Variants in TBC1D15 observed in about 807,000 individuals in gnomAD.
TBC1D15 encodes the protein TBC1 domain family member 15, also known as GAP for RAB7.
TBC1D15 carries 39 observed loss-of-function variants against 95.4 expected under a neutral mutation model. The observed-to-expected ratio is 0.41, with a 90% CI of 0.32 to 0.53. The LOEUF is 0.53. Among genes scored for constraint, TBC1D15 ranks in the 20% least tolerant of loss-of-function variants. The pLI is 0.29. For missense variants in TBC1D15, 733 were observed against 794.3 expected (o/e 0.92, Z 0.93); for synonymous variants, 258 against 261.3 (o/e 0.99, Z 0.12).
At chr12:71,895,572 T>A (rs977624708) in intron 7 of TBC1D15, among the ~76,000 whole-genome samples, 1 of 152,078 alleles carries the variant, frequency 6.6e-6, no homozygotes, top group African/African-American at 2.4e-5. Context: ...ATGGAATAAT[T>A]ATATATTCTC....
chr12:71,853,473 T>C (rs913039411), intron 1 of TBC1D15, among the ~76,000 whole-genome samples: 2 of 152,242 alleles, frequency 1.3e-5, no homozygotes, highest in East Asian at 1.9e-4. Context: ...GTTGTGACTT[T>C]AGTGTCTTGA....
intron 1 of TBC1D15, 138 bp downstream of exon 1, chr12:71,839,949 G>A (rs1029551608): frequency 7.3e-6 from 8 of 1,099,328 alleles, no homozygotes; most frequent in African/African-American, 1.6e-5. Context: ...AGAAGACTGG[G>A]TGGTACCAGC....
chr12:71,870,707 T>A (rs1427818080), intron 1 of TBC1D15, among the ~76,000 whole-genome samples: 1 of 152,242 alleles, frequency 6.6e-6, no homozygotes, highest in African/African-American at 2.4e-5. Flanking sequence ...TTCACCACTT[T>A]CAGTTGTCTT....
chr12:71,873,251 T>C (rs915945654), intron 3 of TBC1D15, among the ~76,000 whole-genome samples: 1 of 152,176 alleles, frequency 6.6e-6, no homozygotes, highest in Admixed American at 6.5e-5. Context: ...ATCACTAATC[T>C]ACTTTCTGTC....
chr12:71,896,280 T>C (rs59645319), intron 8 of TBC1D15: 5,242 of 470,568 alleles, frequency 0.011, 236 homozygotes, highest in African/African-American at 0.091. Context: ...AGTGAGGTGC[T>C]TATGATGTTC....
intron 11 of TBC1D15, among the ~76,000 whole-genome samples, chr12:71,908,347 A>G (rs1015152502): frequency 6.6e-6 from 1 of 152,228 alleles, no homozygotes; most frequent in Non-Finnish European, 1.5e-5. Flanking sequence ...TATAAATACT[A>G]GAAATGTTTG....
chr12:71,876,584 G>GT (rs1565990997), intron 3 of TBC1D15, among the ~76,000 whole-genome samples: 1 of 152,022 alleles, frequency 6.6e-6, no homozygotes. Context: ...TAATCCCTCT[G>GT]TTTTTTGTAT....
At chr12:71,922,943 G>C (rs1869997274) in intron 16 of TBC1D15, 40 bp from the exon 17 acceptor site, 1 of 1,584,772 alleles carries the variant, frequency 6.3e-7, no homozygotes, top group East Asian at 2.2e-5. Context: ...TTTTTCCTCT[G>C]TAGTGAAATA....
intron 3 of TBC1D15, among the ~76,000 whole-genome samples, chr12:71,874,797 A>G (rs901302601): frequency 2.0e-5 from 3 of 151,242 alleles, no homozygotes; most frequent in Non-Finnish European, 4.4e-5. Context: ...TAAGTTTTGT[A>G]TTTTTAGTAG....
chr12:71,880,367 T>C (rs1894888618), intron 3 of TBC1D15, 102 bp from the exon 4 acceptor site: 1 of 910,964 alleles, frequency 1.1e-6, no homozygotes, highest in African/African-American at 1.7e-5. Context: ...CCACCAGTGA[T>C]GTCGTCTGCA....
chr12:71,865,592 G>T (rs926096356), intron 1 of TBC1D15, among the ~76,000 whole-genome samples: 1 of 152,112 alleles, frequency 6.6e-6, no homozygotes, highest in Non-Finnish European at 1.5e-5. Flanking sequence ...CCCAGGAGAG[G>T]GGGTAGGGAA....
chr12:71,849,291 T>G, intron 1 of TBC1D15: 2 of 906,076 alleles, frequency 2.2e-6, no homozygotes, highest in Non-Finnish European at 3.5e-6. Flanking sequence ...GTTCCACGCT[T>G]CTATCTGCCA....
intron 1 of TBC1D15, among the ~76,000 whole-genome samples, chr12:71,862,975 T>A (rs1391622341): frequency 6.6e-6 from 1 of 152,224 alleles, no homozygotes; most frequent in Non-Finnish European, 1.5e-5. Flanking sequence ...CTCCCTGATT[T>A]GTGAAAGATA....
intron 3 of TBC1D15, among the ~76,000 whole-genome samples, chr12:71,874,675 T>C (rs1893408753): frequency 6.8e-6 from 1 of 147,216 alleles, no homozygotes. Context: ...CAGGCTGGAG[T>C]GCAGTGGTGC....
At chr12:71,921,344 T>C (rs752009920) in intron 15 of TBC1D15, 24 bp from the exon 16 acceptor site, 1 of 1,404,826 alleles carries the variant, frequency 7.1e-7, no homozygotes, top group South Asian at 1.4e-5. Context: ...TTCGATATCA[T>C]TTTATTTTGT....
chr12:71,875,321 G>A (rs1444294736), intron 3 of TBC1D15, among the ~76,000 whole-genome samples: 1 of 152,150 alleles, frequency 6.6e-6, no homozygotes, highest in African/African-American at 2.4e-5. Flanking sequence ...TTCCCGTATG[G>A]TGGACTGTTT....
chr12:71,888,009 C>T (rs1347377725), intron 5 of TBC1D15, among the ~76,000 whole-genome samples: 1 of 152,180 alleles, frequency 6.6e-6, no homozygotes, highest in Non-Finnish European at 1.5e-5. Context: ...AATTAGAAGA[C>T]AGGTTTTAGC....
chr12:71,920,175 C>T (rs1291941025), intron 14 of TBC1D15, among the ~76,000 whole-genome samples: 1 of 151,998 alleles, frequency 6.6e-6, no homozygotes, highest in African/African-American at 2.4e-5. Flanking sequence ...GTTGATCAAG[C>T]GTTTTCTATG....
chr12:71,901,182 G>A (rs892829829), intron 10 of TBC1D15, among the ~76,000 whole-genome samples: 2 of 151,930 alleles, frequency 1.3e-5, no homozygotes, highest in African/African-American at 4.8e-5. Flanking sequence ...CATCACACCC[G>A]GCTAATTTTT....
Sources: allele counts gnomAD v4.1 joint callset (sites outside exome capture counted in the v4.1 genomes callset), GRCh38; gene constraint gnomAD v4.1.1; transcripts MANE v1.5; gene names NCBI Gene and HGNC (gene_info 2026-07-23, HGNC 2026-07-21).